Variants in GSTCD observed in about 807,000 individuals in gnomAD.
GSTCD encodes glutathione S-transferase C-terminal domain containing, also known as glutathione S-transferase C-terminal domain-containing protein.
Under a neutral mutation model 68.3 loss-of-function variants are expected in GSTCD, and 44 were observed. The observed-to-expected ratio is 0.64, with a 90% CI of 0.51 to 0.83. GSTCD has a LOEUF of 0.83. GSTCD is among the 40% of genes least tolerant of loss of function. The pLI is 0.00. For synonymous variants in GSTCD, 273 were observed against 255.2 expected (o/e 1.07, Z -0.67); for missense variants, 739 against 735.9 (o/e 1.00, Z -0.05).
Position 105,846,986 on chromosome 4 carries a change from T to C in GSTCD, c.*1409T>C, listed in dbSNP as rs1415173240. ...GTTCTTTATGGAATACTACAATGTG[T>C]TGTCACAGGATTTGTTATTCAGATG... On this transcript the variant is annotated 3_prime_UTR_variant, in exon 12 of 12. Transcript: ENST00000515279. 6.6e-6 allele frequency: 1 copy of C among 152,174 alleles called. No individual in the cohort carries two copies. The highest frequency in any genetic ancestry group is 1.5e-5 in the Non-Finnish European group (1 of 68,028). The allele number at this position is 152,174 out of a possible 1,614,324, so 9.4% of individuals were successfully genotyped here.
intron 5 of GSTCD, among the ~76,000 whole-genome samples, chr4:105,758,833 C>T (rs1272179944): frequency 6.6e-6 from 1 of 152,132 alleles, no homozygotes; most frequent in African/African-American, 2.4e-5. Flanking sequence ...CCTTCAGTGA[C>T]ATTAATTCGT....
chr4:105,822,465 A>G (rs1723350289), intron 5 of GSTCD, among the ~76,000 whole-genome samples: 1 of 152,154 alleles, frequency 6.6e-6, no homozygotes, highest in South Asian at 2.1e-4. Context: ...CAATTAAACA[A>G]TAAAAATATT....
At chr4:105,805,297 A>G (rs1182561902) in intron 5 of GSTCD, among the ~76,000 whole-genome samples, 2 of 152,108 alleles carry the variant, frequency 1.3e-5, no homozygotes, top group Non-Finnish European at 2.9e-5. Flanking sequence ...ATTATAACCC[A>G]TAATTAATAA....
chr4:105,745,379 G>C (rs981391992), intron 5 of GSTCD, among the ~76,000 whole-genome samples: 1 of 152,158 alleles, frequency 6.6e-6, no homozygotes, highest in Non-Finnish European at 1.5e-5. Flanking sequence ...GTAACAAAAA[G>C]ATTTGGCTAT....
chr4:105,840,872 A>G (rs1223758932), intron 10 of GSTCD, among the ~76,000 whole-genome samples: 1 of 152,204 alleles, frequency 6.6e-6, no homozygotes. Flanking sequence ...AGTGAGAGAA[A>G]GAAATCAAGC....
chr4:105,803,783 T>G (rs1282915370), intron 5 of GSTCD, among the ~76,000 whole-genome samples: 1 of 152,006 alleles, frequency 6.6e-6, no homozygotes, highest in Non-Finnish European at 1.5e-5. Flanking sequence ...ATTATACATA[T>G]AATTCCATTT....
At chr4:105,721,767 A>G (rs1014113040) in intron 3 of GSTCD, among the ~76,000 whole-genome samples, 3 of 152,136 alleles carry the variant, frequency 2.0e-5, no homozygotes, top group African/African-American at 7.2e-5. Context: ...TTAACCCCTG[A>G]TGGCTCAGCA....
At chr4:105,822,655 T>C (rs1333004268) in intron 5 of GSTCD, among the ~76,000 whole-genome samples, 1 of 152,128 alleles carries the variant, frequency 6.6e-6, no homozygotes, top group Admixed American at 6.5e-5. Flanking sequence ...CAGTTATTGT[T>C]TCCATGCTTT....
At chr4:105,769,343 G>A (rs1279544291) in intron 5 of GSTCD, among the ~76,000 whole-genome samples, 1 of 151,926 alleles carries the variant, frequency 6.6e-6, no homozygotes, top group African/African-American at 2.4e-5. Context: ...CAGTCTTCAT[G>A]AACCAGTGAC....
At chr4:105,798,777 A>G (rs1422833134) in intron 5 of GSTCD, among the ~76,000 whole-genome samples, 1 of 148,546 alleles carries the variant, frequency 6.7e-6, no homozygotes, top group Non-Finnish European at 1.5e-5. Context: ...GTCATCATTT[A>G]TAAGGGCCCT....
chr4:105,822,989 C>G lies in GSTCD; in HGVS notation c.1276C>G (p.Gln426Glu). The G allele has an allele frequency of 6.2e-7, 1 of 1,613,688 alleles. No homozygotes were observed. The highest frequency in any genetic ancestry group is 8.5e-7 in the Non-Finnish European group (1 of 1,179,682). ...CAGTGATCGAGCTTTGAGGAAGCAG[C>G]AACAGTTGAACAACCTTGTCTATGT... ...MSSDRALRKQ[Q>E]QLNNLVYVVT... is the part of the protein sequence containing the mutation. The change falls in exon 6 of 12, where the codon CAA becomes GAA. Residue 426 changes from glutamine (Q) to glutamate (E), a missense_variant. Physicochemically the swap from Gln to Glu is conservative, Grantham distance 29. Transcript: ENST00000515279.
chr4:105,824,813 G>A (rs1341631274), intron 7 of GSTCD, among the ~76,000 whole-genome samples: 1 of 151,966 alleles, frequency 6.6e-6, no homozygotes, highest in African/African-American at 2.4e-5. Flanking sequence ...GACACACATT[G>A]TGCCCTGGAA....
At chr4:105,780,380 T>C (rs527695113) in intron 5 of GSTCD, among the ~76,000 whole-genome samples, 1 of 152,336 alleles carries the variant, frequency 6.6e-6, no homozygotes, top group Non-Finnish European at 1.5e-5. Context: ...CTGGAAAATG[T>C]TTCCTGGCTA....
chr4:105,747,411 T>C (rs143021005), intron 5 of GSTCD, among the ~76,000 whole-genome samples: 3 of 152,318 alleles, frequency 2.0e-5, no homozygotes, highest in African/African-American at 7.2e-5. Flanking sequence ...AGCCCTAGAA[T>C]TGCATTTCTA....
chr4:105,744,394 A>G (rs1291430097), intron 5 of GSTCD, among the ~76,000 whole-genome samples: 1 of 152,156 alleles, frequency 6.6e-6, no homozygotes, highest in Admixed American at 6.5e-5. Context: ...TCACTAGTTT[A>G]TATTCATTGG....
chr4:105,710,823 C>T (rs936856525), intron 1 of GSTCD: 2 of 152,178 alleles, frequency 1.3e-5, no homozygotes, highest in African/African-American at 4.8e-5. Context: ...AGATGATTCC[C>T]TGATTCTCCA....
In GSTCD at chr4:105,722,886, CAG is replaced by C. The variant is rs1206276489; in HGVS notation, c.894+3362_894+3363del. Reference sequence around the variant, plus strand: ...ATGAAGAAATTTAATTTTCATTTCACAGAGTTTTCATTAGCAACTTCCTTAAA... The same window carrying C: ...ATGAAGAAATTTAATTTTCATTTCACAGTTTTCATTAGCAACTTCCTTAAA... On this transcript the variant is annotated intron_variant, in intron 3 of 11. Coordinates refer to ENST00000515279, the MANE Select transcript of GSTCD (RefSeq NM_001370181.1). 3.3e-5 allele frequency among the ~76,000 whole-genome samples: 5 copies of C among 151,620 alleles called. No homozygotes were observed. The South Asian group carries it at 8.3e-4, about 25-fold the overall frequency.
chr4:105,734,954 C>A (rs1733404291), intron 5 of GSTCD, among the ~76,000 whole-genome samples: 1 of 152,218 alleles, frequency 6.6e-6, no homozygotes, highest in East Asian at 1.9e-4. Context: ...ACTCCAGATC[C>A]TGTTTGCCTG....
intron 5 of GSTCD, 96 bp from the exon 6 acceptor site, chr4:105,822,855 CCCT>C (rs1463657234): frequency 2.4e-4 from 179 of 748,590 alleles, no homozygotes; most frequent in Non-Finnish European, 3.0e-4. Context: ...ATGCTCCTCC[CCCT>C]CCTCCTCCTC....
Sources: gnomAD v4.1 joint callset for allele counts (sites outside exome capture counted in the v4.1 genomes callset) on GRCh38, gnomAD v4.1.1 for gene constraint, MANE v1.5 for transcripts, NCBI Gene and HGNC (gene_info 2026-07-23, HGNC 2026-07-21) for gene names.